Variants in CCDC148 observed in about 807,000 individuals in gnomAD.
The protein encoded by CCDC148 is coiled-coil domain-containing protein 148.
A neutral mutation model predicts 85.7 loss-of-function variants in CCDC148; 89 were observed. The observed-to-expected ratio is 1.04, with a 90% CI of 0.87 to 1.24. The LOEUF is 1.24. CCDC148 is among the 50% of genes most tolerant of loss of function. CCDC148 has a pLI of 0.00. For missense variants in CCDC148, 692 were observed against 671.7 expected (o/e 1.03, Z -0.33); for synonymous variants, 230 against 213.9 (o/e 1.08, Z -0.66).
At chr2:158,236,766 A>G (rs1236504708) in intron 10 of CCDC148, among the ~76,000 whole-genome samples, 1 of 152,168 alleles carries the variant, frequency 6.6e-6, no homozygotes, top group Non-Finnish European at 1.5e-5. Flanking sequence ...AAGGAGAGTG[A>G]TATACTTTTC....
At chr2:158,191,672 G>C (rs534386856) in intron 11 of CCDC148, among the ~76,000 whole-genome samples, 1 of 152,066 alleles carries the variant, frequency 6.6e-6, no homozygotes, top group African/African-American at 2.4e-5. Flanking sequence ...CTCAAATGCT[G>C]ATTTCCTCTG....
At chr2:158,343,070 T>C (rs1682809687) in intron 3 of CCDC148, among the ~76,000 whole-genome samples, 1 of 152,130 alleles carries the variant, frequency 6.6e-6, no homozygotes, top group Non-Finnish European at 1.5e-5. Flanking sequence ...GTGCAGTGGC[T>C]GTTCACGGGT....
intron 9 of CCDC148, among the ~76,000 whole-genome samples, chr2:158,252,307 T>A (rs1411228946): frequency 2.0e-5 from 3 of 151,894 alleles, no homozygotes; most frequent in Admixed American, 6.6e-5. Context: ...TCCCGTTTTT[T>A]AAATACAGTT....
intron 1 of CCDC148, among the ~76,000 whole-genome samples, chr2:158,366,437 A>AAGT (rs1684207090): frequency 9.6e-6 from 1 of 104,426 alleles, no homozygotes; most frequent in African/African-American, 2.7e-5. Flanking sequence ...CTTCTATTAC[A>AAGT]AGTAATATGG....
chr2:158,427,347 G>A (rs79508595), intron 1 of CCDC148, among the ~76,000 whole-genome samples: 11,165 of 152,202 alleles, frequency 0.073, 553 homozygotes, highest in Middle Eastern at 0.14. Context: ...GCCTAGTGCT[G>A]AGGACATGGA....
rs1209588283 is a variant in CCDC148, at chr2:158,220,630, T to C, written c.1335A>G (p.Lys445=). The change falls in exon 11 of 14, where the codon AAA becomes AAG. Residue 445 remains lysine (K), a synonymous_variant. Transcript: ENST00000283233. ...CTTTTAGTGACTGTTCAGCGATTAA[T>C]TTCTTCAGTTCTTCTAGACGCTGAA... ...RDLQRLEELK[K]LIAEQSLKDR... 6.2e-7 allele frequency: 1 copy of C among 1,603,532 alleles called. No homozygotes were observed. Among genetic ancestry groups the C allele is most frequent in the Admixed American group, 1.7e-5 (1 of 57,162 alleles).
At chr2:158,319,289 G>A (rs1692419999) in intron 7 of CCDC148, among the ~76,000 whole-genome samples, 1 of 152,120 alleles carries the variant, frequency 6.6e-6, no homozygotes, top group African/African-American at 2.4e-5. Flanking sequence ...TCCAGCCCTG[G>A]CAGTGAATCT....
chr2:158,342,150 C>T (rs10190367), intron 3 of CCDC148, among the ~76,000 whole-genome samples: 7,552 of 150,860 alleles, frequency 0.05, 345 homozygotes, highest in African/African-American at 0.12. Flanking sequence ...CTGCCTCAGC[C>T]TCCCAAGTAG....
intron 11 of CCDC148, among the ~76,000 whole-genome samples, chr2:158,189,767 T>G (rs921178446): frequency 5.9e-5 from 9 of 151,982 alleles, no homozygotes. Flanking sequence ...ACTTCCTGCT[T>G]TGTATTATAG....
intron 10 of CCDC148, among the ~76,000 whole-genome samples, chr2:158,248,766 T>A (rs1337138295): frequency 6.6e-6 from 1 of 152,270 alleles, no homozygotes; most frequent in East Asian, 1.9e-4. Context: ...GGAGAGGATA[T>A]TTAATTTACA....
At chr2:158,186,482 T>G (rs1685161606) in intron 11 of CCDC148, among the ~76,000 whole-genome samples, 1 of 152,082 alleles carries the variant, frequency 6.6e-6, no homozygotes, top group Non-Finnish European at 1.5e-5. Context: ...CATTTAACCT[T>G]ACTCAATCTG....
intron 9 of CCDC148, among the ~76,000 whole-genome samples, chr2:158,283,936 C>A (rs1289672932): frequency 6.6e-6 from 1 of 151,540 alleles, no homozygotes; most frequent in Non-Finnish European, 1.5e-5. Context: ...CCATGGAATA[C>A]TATGCAGCCA....
At chr2:158,324,526 G>GA (rs893976819) in intron 7 of CCDC148, among the ~76,000 whole-genome samples, 8 of 152,058 alleles carry the variant, frequency 5.3e-5, no homozygotes, top group African/African-American at 1.9e-4. Flanking sequence ...ACTAAGGAGA[G>GA]AAAATTTAAT....
chr2:158,439,079 G>C (rs1269587291), intron 1 of CCDC148, among the ~76,000 whole-genome samples: 1 of 152,082 alleles, frequency 6.6e-6, no homozygotes, highest in East Asian at 1.9e-4. Flanking sequence ...GATTCCTCAG[G>C]GATCTAGAAC....
intron 1 of CCDC148, among the ~76,000 whole-genome samples, chr2:158,429,593 T>G (rs1687244573): frequency 6.6e-6 from 1 of 152,158 alleles, no homozygotes; most frequent in Non-Finnish European, 1.5e-5. Context: ...AATGCGTAAG[T>G]GCATACATAA....
At position 158,313,813 on chromosome 2, in the gene CCDC148, C is replaced by T. The variant is rs773454036; in HGVS notation, c.846G>A (p.Arg282=). 4.3e-6 allele frequency: 7 copies of T among 1,613,906 alleles called. No homozygotes were observed. Among genetic ancestry groups the T allele is most frequent in the Non-Finnish European group, 5.9e-6 (7 of 1,179,900 alleles). Residue 282 remains arginine (R), a synonymous_variant, in exon 8 of 14, where the codon AGG becomes AGA. Coordinates refer to ENST00000283233, the MANE Select transcript of CCDC148 (RefSeq NM_138803.4). ...TTTGTAACATGTCCAGATACAGAGT[C>T]CTTCTTCCAAAGAGATCTCCAGGGT... ...DQYPGDLFGR[R]TLYLDMLQRY... is the part of the protein sequence containing the mutation.
At chr2:158,376,392 G>A (rs1179287452) in intron 1 of CCDC148, among the ~76,000 whole-genome samples, 6 of 152,000 alleles carry the variant, frequency 3.9e-5, no homozygotes, top group Admixed American at 2.6e-4. Context: ...TTTCCATGAA[G>A]GATCAGTTAT....
Position 158,436,658 on chromosome 2 carries a change from A to G in CCDC148, c.25+19757T>C, listed in dbSNP as rs113472438. On this transcript the variant is annotated intron_variant, in intron 1 of 13. Transcript: ENST00000283233. ...GAACGGAAGGAGATAGAGACATGAA[A>G]AATCCTTCAAAAAAATCAATGAATC... Among the ~76,000 whole-genome samples, 576 of 129,746 alleles carry G rather than the reference A, an allele frequency of 4.4e-3. 2 individuals are homozygous for G. Among genetic ancestry groups the G allele is most frequent in the African/African-American group, 0.014 (552 of 40,524 alleles). The allele number at this position is 129,746 out of a possible 152,430, so 85.1% of individuals were successfully genotyped here.
At chr2:158,393,461 A>T (rs1341624490) in intron 1 of CCDC148, among the ~76,000 whole-genome samples, 4 of 152,150 alleles carry the variant, frequency 2.6e-5, no homozygotes, top group South Asian at 2.1e-4. Flanking sequence ...GGGGGCTTTC[A>T]TCAATTATAG....
Sources: allele counts gnomAD v4.1 joint callset (sites outside exome capture counted in the v4.1 genomes callset), GRCh38; gene constraint gnomAD v4.1.1; transcripts MANE v1.5; gene names NCBI Gene and HGNC (gene_info 2026-07-23, HGNC 2026-07-21).